The following GALNTL6 variants were observed in gnomAD, a reference collection of about 807,000 sequenced individuals.
GALNTL6 encodes polypeptide N-acetylgalactosaminyltransferase like 6, also known as polypeptide N-acetylgalactosaminyltransferase-like 6.
GALNTL6 carries 46 observed loss-of-function variants against 73.7 expected under a neutral mutation model. That is an observed-to-expected ratio of 0.62 (90% CI 0.49 to 0.80). The LOEUF is 0.80. Among genes scored for constraint, GALNTL6 ranks in the 30% least tolerant of loss-of-function variants. The probability of loss-of-function intolerance (pLI) is 0.00; values close to 1 mark genes in which losing one functional copy is unlikely to be tolerated. For synonymous variants in GALNTL6, 259 were observed against 263.7 expected, an observed-to-expected ratio of 0.98 and a Z score of 0.17; for missense variants, 604 against 755.0, an observed-to-expected ratio of 0.80 and a Z score of 2.34.
At chr4:172,683,263 G>A (rs1394195534) in intron 5 of GALNTL6, among the ~76,000 whole-genome samples, 1 of 152,170 alleles carries the variant, frequency 6.6e-6, no homozygotes, top group African/African-American at 2.4e-5. Context: ...TGTAGTCAGT[G>A]GTCATAGAAC....
At chr4:172,082,252 G>A (rs1010590014) in intron 2 of GALNTL6, among the ~76,000 whole-genome samples, 9 of 152,152 alleles carry the variant, frequency 5.9e-5, no homozygotes, top group Non-Finnish European at 1.2e-4. Context: ...AAGTAACTTG[G>A]AGAAATTTAA....
In GALNTL6 at chr4:172,300,009, CT is replaced by C. The variant is rs1341407874; in HGVS notation, c.248-11602del. 6.6e-5 allele frequency among the ~76,000 whole-genome samples: 10 copies of C among 152,230 alleles called. 1 individual carries two copies. In the South Asian group the frequency reaches 1.7e-3, roughly 25 times the overall value. On this transcript the variant is annotated intron_variant, in intron 3 of 12. Transcript: ENST00000506823. ...TATTATTGTGTGGGAGTCTAAGTCT[CT>C]TTGTAGGTCTCTAAGGACTTGCTTT...
chr4:172,805,985 T>C (rs1310603830), intron 5 of GALNTL6, among the ~76,000 whole-genome samples: 2 of 152,064 alleles, frequency 1.3e-5, no homozygotes, highest in Non-Finnish European at 2.9e-5. Context: ...AGTTTTAAAA[T>C]AAGAAAAAGA....
At chr4:172,869,378 T>G (rs1022246866) in intron 7 of GALNTL6, among the ~76,000 whole-genome samples, 1 of 152,202 alleles carries the variant, frequency 6.6e-6, no homozygotes, top group Non-Finnish European at 1.5e-5. Flanking sequence ...TATATTTGAT[T>G]TCTTAGTGGA....
At chr4:172,034,153 G>T (rs1741854335) in intron 2 of GALNTL6, among the ~76,000 whole-genome samples, 1 of 152,038 alleles carries the variant, frequency 6.6e-6, no homozygotes, top group Non-Finnish European at 1.5e-5. Flanking sequence ...TATTCTATAT[G>T]TAATGTAATA....
At chr4:172,794,649 A>C (rs1279234422) in intron 5 of GALNTL6, among the ~76,000 whole-genome samples, 1 of 152,188 alleles carries the variant, frequency 6.6e-6, no homozygotes, top group Non-Finnish European at 1.5e-5. Flanking sequence ...TATCTTGTTT[A>C]TGACCCCAGC....
chr4:171,828,296 C>G (rs1490708304), intron 2 of GALNTL6, among the ~76,000 whole-genome samples: 2 of 152,150 alleles, frequency 1.3e-5, no homozygotes, highest in Non-Finnish European at 2.9e-5. Context: ...GTTCATCTGT[C>G]TAGTAAATCG....
At position 172,596,410 on chromosome 4, in the gene GALNTL6, G is replaced by A. The variant is rs77972395; in HGVS notation, c.554-212951G>A. On this transcript the variant is annotated intron_variant, in intron 5 of 12. Transcript: ENST00000506823. ...CCGTGTGCTGTGATCATACCACCACGCTCCTGCCTGGGCAACAGAGGGAGA... is the reference window on the plus strand; with the variant it reads ...CCGTGTGCTGTGATCATACCACCACACTCCTGCCTGGGCAACAGAGGGAGA... Among the ~76,000 whole-genome samples the A allele has an allele frequency of 3.3e-3, 487 of 148,488 alleles. 3 individuals carry two copies. Among genetic ancestry groups the A allele is most frequent in the African/African-American group, 0.011 (460 of 40,116 alleles).
In GALNTL6 at chr4:172,781,662, T is replaced by C. The variant is rs567546033; in HGVS notation, c.554-27699T>C. On this transcript the variant is annotated intron_variant, in intron 5 of 12. Coordinates refer to ENST00000506823, the MANE Select transcript of GALNTL6 (RefSeq NM_001034845.3). The stretch of plus-strand genomic sequence containing the variant: ...TTCCAAAATTCTACGTAGCTGCAAA[T>C]AGAAAGAATTCAAAATATTTAGAAT... 2.0e-5 allele frequency among the ~76,000 whole-genome samples: 3 copies of C among 152,094 alleles called. No homozygotes were observed. In the East Asian group the frequency reaches 5.8e-4, roughly 29 times the overall value.
intron 3 of GALNTL6, among the ~76,000 whole-genome samples, chr4:172,233,411 T>A (rs1364011027): frequency 6.6e-6 from 1 of 151,974 alleles, no homozygotes; most frequent in East Asian, 1.9e-4. Flanking sequence ...ACATTTTACA[T>A]TTGGGTCTTA....
Position 172,797,526 on chromosome 4 carries a change from T to C in GALNTL6, c.554-11835T>C, listed in dbSNP as rs756637752. Among the ~76,000 whole-genome samples the C allele has an allele frequency of 6.6e-4, 100 of 151,914 alleles. 1 individual carries two copies. The highest frequency in any genetic ancestry group is 2.1e-4 in the Non-Finnish European group (14 of 67,976). On this transcript the variant is annotated intron_variant, in intron 5 of 12. Coordinates refer to ENST00000506823, the MANE Select transcript of GALNTL6 (RefSeq NM_001034845.3). ...TCCCAAAGTGCTAGGGTTACAGGAG[T>C]GAGCCACCACGCCCGGCCTATTTTT...
At chr4:172,049,161 T>C (rs1374893193) in intron 2 of GALNTL6, among the ~76,000 whole-genome samples, 1 of 152,200 alleles carries the variant, frequency 6.6e-6, no homozygotes, top group Non-Finnish European at 1.5e-5. Context: ...AATTTGTGTA[T>C]AATCATAAAT....
intron 2 of GALNTL6, among the ~76,000 whole-genome samples, chr4:171,868,136 A>G (rs936589849): frequency 7.3e-5 from 11 of 151,594 alleles, no homozygotes; most frequent in Non-Finnish European, 7.4e-5. Flanking sequence ...GCAGGTGTGT[A>G]TCACCAAGCC....
At chr4:173,019,588 G>A (rs1202512675) in intron 11 of GALNTL6, among the ~76,000 whole-genome samples, 1 of 152,200 alleles carries the variant, frequency 6.6e-6, no homozygotes, top group East Asian at 1.9e-4. Flanking sequence ...ATCTAAAAAT[G>A]TCTCAGTCCA....
In GALNTL6 at chr4:172,722,194, TA is replaced by T. The variant is rs573006322; in HGVS notation, c.554-87163del. On this transcript the variant is annotated intron_variant, in intron 5 of 12. Transcript: ENST00000506823. ...CTTATGTTTTTATCAGCCTCACCAC[TA>T]AAATTAAAAAGCAGTATCCTCACAA... Among the ~76,000 whole-genome samples, 11 of 152,208 alleles carry T rather than the reference TA, an allele frequency of 7.2e-5. No homozygotes were observed. In the South Asian group the frequency reaches 2.1e-3, roughly 29 times the overall value.
intron 7 of GALNTL6, among the ~76,000 whole-genome samples, chr4:172,842,335 A>G (rs1403022977): frequency 1.3e-5 from 2 of 152,204 alleles, no homozygotes; most frequent in East Asian, 3.9e-4. Context: ...GTCCATTAAC[A>G]CAGCTATAGC....
chr4:172,948,541 C>G (rs369681343), intron 9 of GALNTL6, among the ~76,000 whole-genome samples: 28 of 150,858 alleles, frequency 1.9e-4, no homozygotes, highest in African/African-American at 6.8e-4. Context: ...CAACCTCCAC[C>G]TCTCGGGTTC....
At chr4:172,874,507 C>T (rs999779005) in intron 7 of GALNTL6, among the ~76,000 whole-genome samples, 1 of 152,156 alleles carries the variant, frequency 6.6e-6, no homozygotes, top group African/African-American at 2.4e-5. Context: ...TCAGAGTCCC[C>T]ATCCTGATAG....
intron 4 of GALNTL6, among the ~76,000 whole-genome samples, chr4:172,315,780 G>C (rs944277506): frequency 6.7e-6 from 1 of 149,856 alleles, no homozygotes; most frequent in African/African-American, 2.5e-5. Flanking sequence ...TCGGTGGCCT[G>C]GTTTTATTTT....
Sources: allele counts gnomAD v4.1 joint callset (sites outside exome capture counted in the v4.1 genomes callset), GRCh38; gene constraint gnomAD v4.1.1; transcripts MANE v1.5; gene names NCBI Gene and HGNC (gene_info 2026-07-23, HGNC 2026-07-21).